Variants in SDHA observed in about 807,000 individuals in gnomAD.
SDHA encodes succinate dehydrogenase complex flavoprotein subunit A.
A neutral mutation model predicts 78.4 loss-of-function variants in SDHA; 48 were observed. The ratio of observed to expected loss-of-function variants is 0.61; its 90% CI spans 0.49 to 0.78. The LOEUF is 0.78. Ranked by LOEUF, SDHA falls within the 30% of genes least tolerant of loss-of-function variation. The pLI, the probability that SDHA is intolerant of heterozygous loss-of-function variation, is 0.00. For missense variants in SDHA, 680 were observed against 892.7 expected (o/e 0.76, Z 3.04); for synonymous variants, 326 against 353.9 (o/e 0.92, Z 0.88).
chr5:246,134 A>C (rs762935014), intron 11 of SDHA, among the ~76,000 whole-genome samples: 4 of 152,234 alleles, frequency 2.6e-5, no homozygotes, highest in Non-Finnish European at 4.4e-5. Flanking sequence ...CAAGGCCATA[A>C]AGCCCAAATA....
chr5:256,137 G>A (rs1289376088), intron 14 of SDHA, among the ~76,000 whole-genome samples, 197 bp from the exon 15 acceptor site: 1 of 152,204 alleles, frequency 6.6e-6, no homozygotes, highest in Non-Finnish European at 1.5e-5. Context: ...GAAGTAGATG[G>A]TTTAAACATA....
At chr5:262,125 CG>C in the SDHA span, among the ~76,000 whole-genome samples, 2 of 76,960 alleles carry the variant, frequency 2.6e-5, no homozygotes, top group East Asian at 2.7e-4. Flanking sequence ...CTCCGCCTCC[CG>C]GCAGAGCATT....
the SDHA span, among the ~76,000 whole-genome samples, chr5:265,908 G>A: frequency 6.7e-6 from 1 of 150,312 alleles, no homozygotes; most frequent in Non-Finnish European, 1.5e-5. Flanking sequence ...GACCCTACCC[G>A]AGACCTTCCG....
chr5:231,117 T>C (rs1268187322), intron 7 of SDHA, 117 bp downstream of exon 7: 2 of 1,238,596 alleles, frequency 1.6e-6, no homozygotes, highest in Non-Finnish European at 2.3e-6. Flanking sequence ...GAAGATCAGC[T>C]TCCTCAGCTC....
At chr5:228,486 G>A (rs1233885418) in intron 6 of SDHA, among the ~76,000 whole-genome samples, 153 bp downstream of exon 6, 4 of 152,160 alleles carry the variant, frequency 2.6e-5, no homozygotes, top group Admixed American at 2.6e-4. Flanking sequence ...TTTCCCAGCC[G>A]TGGTTCCTCA....
At chr5:265,476 C>A in the SDHA span, among the ~76,000 whole-genome samples, 1 of 152,202 alleles carries the variant, frequency 6.6e-6, no homozygotes, top group Non-Finnish European at 1.5e-5. Context: ...ACTCCTAACA[C>A]TGGGAGTGGA....
chr5:236,263 G>T (rs1735769343), intron 9 of SDHA, 165 bp from the exon 10 acceptor site: 2 of 705,652 alleles, frequency 2.8e-6, no homozygotes, highest in Admixed American at 4.1e-5. Context: ...GACCTCAGGT[G>T]ATCACCCACC....
At chr5:245,539 A>T (rs62344297) in intron 11 of SDHA, among the ~76,000 whole-genome samples, 36,666 of 152,128 alleles carry the variant, frequency 0.24, 6,868 homozygotes, top group African/African-American at 0.53. Context: ...GTGTTACATT[A>T]TTCATTATAT....
chr5:251,584 A>G, intron 13 of SDHA, 116 bp downstream of exon 13: 2 of 1,556,302 alleles, frequency 1.3e-6, no homozygotes, highest in Non-Finnish European at 1.7e-6. Context: ...GTAAATCCAA[A>G]AAATGCCTTT....
chr5:268,369 A>G, the SDHA span, among the ~76,000 whole-genome samples: 1 of 151,924 alleles, frequency 6.6e-6, no homozygotes, highest in Non-Finnish European at 1.5e-5. Flanking sequence ...TTTTTAGTAG[A>G]GACGAGGTTT....
chr5:224,385 A>T lies in SDHA; in HGVS notation c.176A>T (p.Asp59Val). Residue 59 changes from aspartate (D) to valine (V), a missense_variant, in exon 3 of 15, where the codon GAT (aspartate) becomes GTT (valine). Asp to Val is a radical substitution (Grantham distance 152, BLOSUM62 -3). Coordinates refer to ENST00000264932, the MANE Select transcript of SDHA (RefSeq NM_004168.4). ...ATTTCTGCTCAGTATCCAGTAGTGG[A>T]TCATGAATTTGATGCAGTGGTGGTA... ...DSISAQYPVV[D>V]HEFDAVVVGA... 1.2e-6 allele frequency: 2 copies of T among 1,613,572 alleles called. No individual in the cohort carries two copies. Among genetic ancestry groups the T allele is most frequent in the South Asian group, 1.1e-5 (1 of 91,054 alleles).
rs1042565 is a variant in SDHA, at chr5:256,558, T to C, written c.*138T>C. On this transcript the variant is annotated 3_prime_UTR_variant, in exon 15 of 15. Transcript: ENST00000264932. ...AGTACATTGAAGGGAGATTGGCACC[T>C]AGTGGCTGGGAGCTTGCCAGGAACC... The C allele has an allele frequency of 1.8e-4, 138 of 764,360 alleles. No homozygotes were observed. The Middle Eastern group carries it at 5.4e-3, about 30-fold the overall frequency. 47.3% of individuals were successfully genotyped at this position (764,360 alleles called of 1,614,324 possible).
chr5:241,571 G>A (rs191780131), intron 11 of SDHA, among the ~76,000 whole-genome samples: 8 of 152,232 alleles, frequency 5.3e-5, no homozygotes, highest in Non-Finnish European at 8.8e-5. Flanking sequence ...CCATGGGGCC[G>A]TGGAGAACCT....
intron 11 of SDHA, among the ~76,000 whole-genome samples, chr5:247,823 T>C (rs1561007452): frequency 6.6e-6 from 1 of 152,228 alleles, no homozygotes; most frequent in Non-Finnish European, 1.5e-5. Flanking sequence ...CTAGCCAAGC[T>C]CTAGCTACAT....
chr5:252,257 A>T (rs1466839796), intron 13 of SDHA, among the ~76,000 whole-genome samples: 1 of 125,478 alleles, frequency 8.0e-6, no homozygotes, highest in African/African-American at 4.1e-5. Context: ...CACCGTTTCA[A>T]GCCTGCCCTG....
chr5:257,482 C>T (rs559837338), downstream of SDHA, among the ~76,000 whole-genome samples: 49 of 140,988 alleles, frequency 3.5e-4, 4 homozygotes, highest in South Asian at 2.6e-3. Context: ...CTGTGAGCTC[C>T]GCCTCCTGTC....
At chr5:237,700 A>G (rs1735869018) in intron 10 of SDHA, among the ~76,000 whole-genome samples, 1 of 134,782 alleles carries the variant, frequency 7.4e-6, no homozygotes, top group South Asian at 2.2e-4. Context: ...TTTATACAAC[A>G]GGTGCTTTTT....
Position 235,236 on chromosome 5 carries a change from C to T in SDHA, c.1157C>T (p.Thr386Ile), listed in dbSNP as rs773218958. ...ACGCGCCTGCCTGGCATTTCAGAGACAGCCATGATCTTCGCTGGCGTGGAC... is the reference window on the plus strand; with the variant it reads ...ACGCGCCTGCCTGGCATTTCAGAGATAGCCATGATCTTCGCTGGCGTGGAC... ...LATRLPGISE[T>I]AMIFAGVDVT... Residue 386 changes from threonine to isoleucine, a missense_variant, in exon 9 of 15, where the codon ACA (threonine) becomes ATA (isoleucine). Physicochemically the swap from Thr to Ile is moderately conservative, Grantham distance 89. Transcript: ENST00000264932. 12 of 1,614,064 alleles carry T rather than the reference C, an allele frequency of 7.4e-6. No homozygotes were observed. In the East Asian group the frequency reaches 2.7e-4, roughly 36 times the overall value.
chr5:242,287 G>T (rs937760353), intron 11 of SDHA, among the ~76,000 whole-genome samples: 7 of 152,178 alleles, frequency 4.6e-5, no homozygotes, highest in African/African-American at 1.4e-4. Context: ...TGACGCCCAC[G>T]CTAGAAGGCT....
Sources: gnomAD v4.1 joint callset for allele counts (sites outside exome capture counted in the v4.1 genomes callset) on GRCh38, gnomAD v4.1.1 for gene constraint, MANE v1.5 for transcripts, NCBI Gene and HGNC (gene_info 2026-07-23, HGNC 2026-07-21) for gene names.